MED13L: variants seen among roughly 807,000 people sequenced by gnomAD.
MED13L encodes mediator complex subunit 13L, also known as mediator of RNA polymerase II transcription subunit 13-like.
MED13L carries 7 observed loss-of-function variants against 220.9 expected under a neutral mutation model. The observed-to-expected ratio is 0.03, with a 90% CI of 0.02 to 0.06. The LOEUF (loss-of-function observed/expected upper bound fraction) is 0.06. Ranked by LOEUF, MED13L falls within the 10% of genes least tolerant of loss-of-function variation. The pLI, the probability that MED13L is intolerant of heterozygous loss-of-function variation, is 1.00. For synonymous variants in MED13L, 1,011 were observed against 1,015.2 expected (o/e 1.00, Z 0.08); for missense variants, 1,965 against 2,760.5 (o/e 0.71, Z 6.46).
At chr12:116,140,717 A>G (rs1236917284) in intron 2 of MED13L, among the ~76,000 whole-genome samples, 1 of 152,198 alleles carries the variant, frequency 6.6e-6, no homozygotes, top group Non-Finnish European at 1.5e-5. Flanking sequence ...CTAAAGTTAA[A>G]TCTCTCTGGA....
chr12:115,961,334 T>C lies in MED13L; in HGVS notation c.6565A>G (p.Thr2189Ala). 6.2e-7 allele frequency: 1 copy of C among 1,614,166 alleles called. No homozygotes were observed. The change falls in exon 31 of 31, where the codon ACT (threonine) becomes GCT (alanine). Residue 2189 changes from threonine to alanine, a missense_variant. Coordinates refer to ENST00000281928, the MANE Select transcript of MED13L (RefSeq NM_015335.5). The part of the protein sequence containing the change: ...LTCNPATQDR[T>A]SCLPVHFVVL... ...ACAAAGTGGACGGGAAGGCAGGAAGTACGGTCCTGGGTGGCCGGATTGCAC... is the reference window on the plus strand; with the variant it reads ...ACAAAGTGGACGGGAAGGCAGGAAGCACGGTCCTGGGTGGCCGGATTGCAC...
chr12:116,087,909 C>CG (rs796097041), intron 4 of MED13L, among the ~76,000 whole-genome samples: 7 of 152,240 alleles, frequency 4.6e-5, no homozygotes, highest in African/African-American at 1.7e-4. Context: ...TGGTATGCAA[C>CG]GTCAAGTTTT....
At chr12:116,028,331 T>C (rs749317202) in intron 4 of MED13L, among the ~76,000 whole-genome samples, 1 of 152,214 alleles carries the variant, frequency 6.6e-6, no homozygotes, top group Non-Finnish European at 1.5e-5. Context: ...TTCTTGCTTC[T>C]TGTCACTTAT....
intron 4 of MED13L, among the ~76,000 whole-genome samples, chr12:116,037,069 C>T (rs1007992307): frequency 1.3e-5 from 2 of 152,142 alleles, no homozygotes; most frequent in African/African-American, 2.4e-5. Context: ...TTGTATATTA[C>T]TACTAAATCA....
At chr12:116,163,307 A>G (rs1031682939) in intron 2 of MED13L, among the ~76,000 whole-genome samples, 2 of 151,888 alleles carry the variant, frequency 1.3e-5, no homozygotes, top group Non-Finnish European at 2.9e-5. Flanking sequence ...GACATTAAAT[A>G]TATATCTTTA....
chr12:116,071,551 C>A (rs1870371110), intron 4 of MED13L, among the ~76,000 whole-genome samples: 1 of 152,178 alleles, frequency 6.6e-6, no homozygotes, highest in South Asian at 2.1e-4. Flanking sequence ...CTCAGCCTCT[C>A]GAGTAGCTGG....
intron 4 of MED13L, among the ~76,000 whole-genome samples, chr12:116,076,518 C>T (rs778869329): frequency 6.6e-6 from 1 of 152,150 alleles, no homozygotes; most frequent in African/African-American, 2.4e-5. Flanking sequence ...GCCTGAGTGA[C>T]AGAGCAAGGC....
chr12:116,246,430 G>C (rs1327878659), intron 1 of MED13L, among the ~76,000 whole-genome samples: 1 of 151,834 alleles, frequency 6.6e-6, no homozygotes, highest in African/African-American at 2.4e-5. Context: ...TCTTCAGGAA[G>C]GTGAAACTAA....
intron 4 of MED13L, among the ~76,000 whole-genome samples, chr12:116,029,222 A>G (rs1177587388): frequency 1.2e-4 from 16 of 135,798 alleles, no homozygotes; most frequent in Non-Finnish European, 1.2e-4. Context: ...CTAAAAAGGG[A>G]TTGGTCAGAG....
intron 4 of MED13L, among the ~76,000 whole-genome samples, chr12:116,033,923 A>T (rs1291222978): frequency 1.3e-5 from 2 of 152,184 alleles, no homozygotes; most frequent in Admixed American, 6.5e-5. Context: ...ACTCGTATAC[A>T]ATCACTCCAT....
At chr12:116,253,652 A>G (rs1871767211) in intron 1 of MED13L, among the ~76,000 whole-genome samples, 1 of 151,962 alleles carries the variant, frequency 6.6e-6, no homozygotes, top group African/African-American at 2.4e-5. Flanking sequence ...GAAACCCATC[A>G]GTATAATTCA....
intron 2 of MED13L, among the ~76,000 whole-genome samples, chr12:116,208,553 A>G (rs1261323093): frequency 6.6e-6 from 1 of 152,262 alleles, no homozygotes; most frequent in Non-Finnish European, 1.5e-5. Context: ...CATCTCCCTG[A>G]AAACCTTTCT....
At chr12:116,198,720 A>G (rs1881811187) in intron 2 of MED13L, among the ~76,000 whole-genome samples, 1 of 128,646 alleles carries the variant, frequency 7.8e-6, no homozygotes, top group African/African-American at 3.1e-5. Context: ...GAGCGCCATA[A>G]AGAAAGGGAT....
intron 2 of MED13L, among the ~76,000 whole-genome samples, chr12:116,164,712 C>G (rs1879125048): frequency 6.6e-6 from 1 of 152,170 alleles, no homozygotes; most frequent in Non-Finnish European, 1.5e-5. Context: ...GATGTAACTG[C>G]TAACCGATGT....
intron 2 of MED13L, among the ~76,000 whole-genome samples, chr12:116,201,306 T>A (rs762144439): frequency 2.6e-5 from 4 of 152,204 alleles, no homozygotes; most frequent in African/African-American, 4.8e-5. Flanking sequence ...TAATACCATA[T>A]AAATTTTGGT....
chr12:116,275,972 G>A (rs1873781638), intron 1 of MED13L, among the ~76,000 whole-genome samples: 1 of 152,190 alleles, frequency 6.6e-6, no homozygotes, highest in Non-Finnish European at 1.5e-5. Context: ...ACCACGCACT[G>A]CAATTATTAG....
intron 3 of MED13L, among the ~76,000 whole-genome samples, chr12:116,105,332 G>C (rs1873465445): frequency 6.6e-6 from 1 of 152,190 alleles, no homozygotes. Context: ...ATGGAAAGAA[G>C]TAGAGGGGAC....
At chr12:116,053,469 G>A (rs1403169604) in intron 4 of MED13L, among the ~76,000 whole-genome samples, 1 of 152,146 alleles carries the variant, frequency 6.6e-6, no homozygotes, top group East Asian at 1.9e-4. Context: ...ATATGAGACT[G>A]GATGCTTAGA....
At chr12:116,028,747 T>A (rs1057055010) in intron 4 of MED13L, among the ~76,000 whole-genome samples, 5 of 152,202 alleles carry the variant, frequency 3.3e-5, no homozygotes, top group Non-Finnish European at 5.9e-5. Context: ...CCTGTTCTCT[T>A]AGGGGCACAC....
Sources: gnomAD v4.1 joint callset for allele counts (sites outside exome capture counted in the v4.1 genomes callset) on GRCh38, gnomAD v4.1.1 for gene constraint, MANE v1.5 for transcripts, NCBI Gene and HGNC (gene_info 2026-07-23, HGNC 2026-07-21) for gene names.